Variants in TNNI3K observed in about 807,000 individuals in gnomAD.
TNNI3K encodes the protein serine/threonine-protein kinase TNNI3K.
In TNNI3K, 140 loss-of-function variants were observed where a neutral mutation model predicts 114.5. That is an observed-to-expected ratio of 1.22 (90% CI 1.07 to 1.41). The LOEUF is 1.41. Among genes scored for constraint, TNNI3K ranks in the 40% most tolerant of loss-of-function variants. The pLI is 0.00. For missense variants in TNNI3K, 1,125 were observed against 1,007.6 expected (o/e 1.12, Z -1.58); for synonymous variants, 347 against 347.5 (o/e 1.00, Z 0.02).
intron 5 of TNNI3K, among the ~76,000 whole-genome samples, chr1:74,275,675 A>T (rs1209111700): frequency 2.0e-5 from 3 of 152,124 alleles, no homozygotes; most frequent in African/African-American, 7.2e-5. Flanking sequence ...GAGTAAAATG[A>T]TAACATGAAA....
chr1:74,305,196 T>C (rs1257805653), intron 5 of TNNI3K, among the ~76,000 whole-genome samples: 1 of 152,122 alleles, frequency 6.6e-6, no homozygotes, highest in Non-Finnish European at 1.5e-5. Context: ...TTGGTCAAAT[T>C]GACAATTTTG....
At position 74,367,303 on chromosome 1, in the gene TNNI3K, G is replaced by C; in HGVS notation, c.1225G>C (p.Asp409His). Residue 409 changes from aspartate (D) to histidine (H), a missense_variant, in exon 12 of 25, where the codon GAT becomes CAT. By Grantham distance (81) the Asp-to-His change is moderately conservative. Coordinates refer to ENST00000326637, the MANE Select transcript of TNNI3K (RefSeq NM_015978.3). The stretch of plus-strand genomic sequence containing the variant: ...CCTGAAGCATTATAAGAGACCACAA[G>C]ATGAATTGCCCTGTAATGAATATTC... ...TLLKHYKRPQ[D>H]ELPCNEYSQP... 6.2e-7 allele frequency: 1 copy of C among 1,612,208 alleles called. No individual in the cohort carries two copies. The highest frequency in any genetic ancestry group is 2.2e-5 in the East Asian group (1 of 44,812).
intron 21 of TNNI3K, among the ~76,000 whole-genome samples, chr1:74,465,266 G>A (rs920536773): frequency 2.0e-5 from 3 of 152,198 alleles, no homozygotes; most frequent in Admixed American, 1.3e-4. Flanking sequence ...CTCAGCTTGC[G>A]GGGAGGTGTG....
intron 11 of TNNI3K, among the ~76,000 whole-genome samples, chr1:74,357,596 A>G (rs1431617632): frequency 6.6e-6 from 1 of 152,182 alleles, no homozygotes; most frequent in Admixed American, 6.5e-5. Flanking sequence ...GGAATCAGAT[A>G]TAAAGAATGC....
intron 4 of TNNI3K, among the ~76,000 whole-genome samples, chr1:74,262,361 G>T (rs931548411): frequency 1.3e-5 from 2 of 151,818 alleles, no homozygotes; most frequent in Non-Finnish European, 2.9e-5. Context: ...CCCCTGAGAG[G>T]CAAAAATCAC....
chr1:74,390,960 T>C (rs1184577462), intron 17 of TNNI3K, among the ~76,000 whole-genome samples: 1 of 54,832 alleles, frequency 1.8e-5, no homozygotes, highest in Non-Finnish European at 3.3e-5. Flanking sequence ...AATATATTTT[T>C]TTCCGAAAAA....
intron 17 of TNNI3K, among the ~76,000 whole-genome samples, chr1:74,426,265 A>C (rs1665636833): frequency 6.6e-6 from 1 of 152,098 alleles, no homozygotes; most frequent in African/African-American, 2.4e-5. Context: ...CCCTGAAGTC[A>C]TACTTTTAAA....
intron 20 of TNNI3K, among the ~76,000 whole-genome samples, chr1:74,452,763 A>T (rs1209434165): frequency 6.6e-6 from 1 of 152,134 alleles, no homozygotes; most frequent in East Asian, 1.9e-4. Context: ...GCCCCTTATG[A>T]TTATGTCCCT....
chr1:74,339,182 C>T lies in TNNI3K; in HGVS notation c.682+3033C>T, dbSNP rs3765664. On this transcript the variant is annotated intron_variant, in intron 7 of 24. Coordinates refer to ENST00000326637, the MANE Select transcript of TNNI3K (RefSeq NM_015978.3). ...ATGTGTAATACTACAACCATATTCCCCTTACATACCAGCATCATATGATAC... is the reference window on the plus strand; with the variant it reads ...ATGTGTAATACTACAACCATATTCCTCTTACATACCAGCATCATATGATAC... Among the ~76,000 whole-genome samples, 10 of 152,230 alleles carry T rather than the reference C, an allele frequency of 6.6e-5. 1 individual carries two copies. The South Asian group carries it at 1.0e-3, about 16-fold the overall frequency.
chr1:74,357,735 A>T (rs1255967688), intron 11 of TNNI3K, among the ~76,000 whole-genome samples: 1 of 152,058 alleles, frequency 6.6e-6, no homozygotes, highest in Non-Finnish European at 1.5e-5. Context: ...GAGTGCTTAG[A>T]GCTCCAATTT....
intron 4 of TNNI3K, among the ~76,000 whole-genome samples, chr1:74,260,590 C>G (rs145625405): frequency 6.6e-6 from 1 of 152,024 alleles, no homozygotes. Context: ...TAGCAAAATA[C>G]CTAGCATATA....
chr1:74,472,115 C>G, intron 21 of TNNI3K: 1 of 717,158 alleles, frequency 1.4e-6, no homozygotes, highest in Non-Finnish European at 2.6e-6. Flanking sequence ...TGCCATGATT[C>G]ATTTGTTAAA....
intron 21 of TNNI3K, among the ~76,000 whole-genome samples, chr1:74,465,450 G>T (rs906773833): frequency 2.0e-5 from 3 of 152,204 alleles, no homozygotes; most frequent in Non-Finnish European, 4.4e-5. Flanking sequence ...CTGCTGGCCC[G>T]CCCGCACCGT....
intron 9 of TNNI3K, among the ~76,000 whole-genome samples, chr1:74,350,871 A>G (rs1219250486): frequency 6.6e-6 from 1 of 151,776 alleles, no homozygotes; most frequent in Non-Finnish European, 1.5e-5. Context: ...TCTGCACGTG[A>G]GATGGGTTTC....
intron 5 of TNNI3K, among the ~76,000 whole-genome samples, chr1:74,289,014 A>C (rs1418888781): frequency 4.0e-5 from 6 of 151,528 alleles, no homozygotes; most frequent in Admixed American, 3.3e-4. Flanking sequence ...GGCTTGGAGC[A>C]ACAAGTAAAA....
intron 23 of TNNI3K, among the ~76,000 whole-genome samples, chr1:74,526,349 A>G (rs747516512): frequency 3.2e-4 from 49 of 152,288 alleles, no homozygotes; most frequent in African/African-American, 1.2e-3. Context: ...TTTATCTTCC[A>G]TCAATAAAAT....
intron 21 of TNNI3K, among the ~76,000 whole-genome samples, chr1:74,487,743 G>A (rs1024179895): frequency 1.3e-5 from 2 of 152,154 alleles, no homozygotes; most frequent in Non-Finnish European, 2.9e-5. Flanking sequence ...TCTACTTTAG[G>A]ACATATTTGG....
chr1:74,466,510 G>A (rs1485919396), intron 21 of TNNI3K, among the ~76,000 whole-genome samples: 5 of 152,188 alleles, frequency 3.3e-5, no homozygotes, highest in African/African-American at 7.2e-5. Flanking sequence ...TAGCAGAAAA[G>A]TTGTACTGTT....
chr1:74,290,030 T>G (rs963700953), intron 5 of TNNI3K, among the ~76,000 whole-genome samples: 6 of 151,722 alleles, frequency 4.0e-5, no homozygotes, highest in Non-Finnish European at 8.9e-5. Context: ...CAATAGTTGC[T>G]TCTAACTTTT....
Sources: gnomAD v4.1 joint callset for allele counts (sites outside exome capture counted in the v4.1 genomes callset) on GRCh38, gnomAD v4.1.1 for gene constraint, MANE v1.5 for transcripts, NCBI Gene and HGNC (gene_info 2026-07-23, HGNC 2026-07-21) for gene names.